The following MALRD1 variants were observed in gnomAD, a reference collection of about 807,000 sequenced individuals.
The protein encoded by MALRD1 is MAM and LDL-receptor class A domain-containing protein 1.
Under a neutral mutation model 242.1 loss-of-function variants are expected in MALRD1, and 247 were observed. The observed-to-expected ratio is 1.02, with a 90% CI of 0.92 to 1.13. The LOEUF is 1.13. Among genes scored for constraint, MALRD1 ranks in the 50% most tolerant of loss-of-function variants. The probability of loss-of-function intolerance (pLI) is 0.00; values close to 1 mark genes in which losing one functional copy is unlikely to be tolerated. For missense variants in MALRD1, 2,989 were observed against 2,533.1 expected, an observed-to-expected ratio of 1.18 and a Z score of -3.86; for synonymous variants, 995 against 866.6, an observed-to-expected ratio of 1.15 and a Z score of -2.60.
chr10:19,610,737 A>C (rs1264901748), intron 35 of MALRD1, among the ~76,000 whole-genome samples: 1 of 152,058 alleles, frequency 6.6e-6, no homozygotes, highest in African/African-American at 2.4e-5. Flanking sequence ...CTTTGGAGTC[A>C]GAAGACAAGG....
intron 22 of MALRD1, 96 bp from the exon 23 acceptor site, chr10:19,327,467 C>T: frequency 2.3e-6 from 2 of 879,884 alleles, no homozygotes; most frequent in South Asian, 1.7e-5. Flanking sequence ...GTTGATATTG[C>T]AACTAAAAAA....
intron 33 of MALRD1, among the ~76,000 whole-genome samples, chr10:19,587,647 C>G (rs1030007398): frequency 1.3e-5 from 2 of 152,152 alleles, no homozygotes; most frequent in Non-Finnish European, 2.9e-5. Context: ...ATTAAATGAA[C>G]AATGAAACTT....
intron 36 of MALRD1, among the ~76,000 whole-genome samples, chr10:19,660,772 C>T (rs1312775405): frequency 6.6e-6 from 1 of 152,104 alleles, no homozygotes; most frequent in Non-Finnish European, 1.5e-5. Flanking sequence ...AAAAGAGAAA[C>T]CTAGTTAGCC....
Position 19,387,782 on chromosome 10 carries a change from T to G in MALRD1, c.4687+9T>G. On this transcript the variant is annotated intron_variant, in intron 27 of 39. Transcript: ENST00000454679. ...ACTTGGAAATGAAAATGGTAGGTTATTAGATTGTTGTAATTGCTTTCACAT... is the reference window on the plus strand; with the variant it reads ...ACTTGGAAATGAAAATGGTAGGTTAGTAGATTGTTGTAATTGCTTTCACAT... 6.5e-7 allele frequency: 1 copy of G among 1,545,190 alleles called. No individual in the cohort carries two copies. Among genetic ancestry groups the G allele is most frequent in the South Asian group, 1.2e-5 (1 of 83,302 alleles).
At chr10:19,413,096 C>T (rs974380169) in intron 28 of MALRD1, among the ~76,000 whole-genome samples, 5 of 151,920 alleles carry the variant, frequency 3.3e-5, no homozygotes, top group Non-Finnish European at 7.4e-5. Context: ...GTAAGGTTAC[C>T]ATCACATACA....
At chr10:19,637,405 A>G (rs1338482060) in intron 36 of MALRD1, among the ~76,000 whole-genome samples, 1 of 152,186 alleles carries the variant, frequency 6.6e-6, no homozygotes, top group Non-Finnish European at 1.5e-5. Context: ...TTAATCTTAA[A>G]TCAAAGTAAA....
intron 14 of MALRD1, among the ~76,000 whole-genome samples, chr10:19,186,922 A>G (rs566451967): frequency 2.0e-5 from 3 of 152,098 alleles, no homozygotes; most frequent in Non-Finnish European, 4.4e-5. Context: ...CCCACCTAAC[A>G]CTAAGTGTTC....
intron 1 of MALRD1, among the ~76,000 whole-genome samples, chr10:19,063,112 C>A (rs1282394844): frequency 6.6e-6 from 1 of 151,944 alleles, no homozygotes; most frequent in Non-Finnish European, 1.5e-5. Flanking sequence ...CACCATCACA[C>A]TCCAGCCTAG....
intron 38 of MALRD1, among the ~76,000 whole-genome samples, chr10:19,697,373 T>G (rs1283686838): frequency 6.6e-6 from 1 of 151,996 alleles, no homozygotes; most frequent in African/African-American, 2.4e-5. Flanking sequence ...GAAATCCCAG[T>G]CTGCGCTTGA....
At chr10:19,186,268 C>G (rs1588669226) in intron 14 of MALRD1, among the ~76,000 whole-genome samples, 1 of 152,056 alleles carries the variant, frequency 6.6e-6, no homozygotes, top group Admixed American at 6.6e-5. Flanking sequence ...TCAGACAAAC[C>G]GCTCTAGACA....
chr10:19,731,240 A>G (rs1031424066), intron 39 of MALRD1, among the ~76,000 whole-genome samples: 2 of 152,252 alleles, frequency 1.3e-5, no homozygotes, highest in Non-Finnish European at 2.9e-5. Flanking sequence ...GAGAAAAAAC[A>G]AATGAGAATG....
intron 32 of MALRD1, among the ~76,000 whole-genome samples, chr10:19,561,236 A>G (rs1296574119): frequency 1.3e-5 from 2 of 152,160 alleles, no homozygotes; most frequent in African/African-American, 4.8e-5. Context: ...TTTGTTTAAT[A>G]GCTCAGAATG....
At chr10:19,509,876 GAA>G (rs1833313545) in intron 31 of MALRD1, among the ~76,000 whole-genome samples, 2 of 152,152 alleles carry the variant, frequency 1.3e-5, no homozygotes, top group Admixed American at 6.5e-5. Flanking sequence ...CTTGAGAAAA[GAA>G]AGAGACACAG....
At chr10:19,097,524 C>A (rs1416085642) in intron 4 of MALRD1, among the ~76,000 whole-genome samples, 1 of 152,092 alleles carries the variant, frequency 6.6e-6, no homozygotes, top group African/African-American at 2.4e-5. Flanking sequence ...CTAAAATGTT[C>A]AAGGAGACAA....
intron 19 of MALRD1, among the ~76,000 whole-genome samples, chr10:19,263,111 A>G (rs1839825761): frequency 6.6e-6 from 1 of 152,224 alleles, no homozygotes; most frequent in Admixed American, 6.5e-5. Flanking sequence ...ATTGGAGTCC[A>G]GATGTCTCTT....
At position 19,703,099 on chromosome 10, in the gene MALRD1, A is replaced by G. The variant is rs1273003630; in HGVS notation, c.6314+10545A>G. The stretch of plus-strand genomic sequence containing the variant: ...GTGTGGACACTTTGATTACAGGGGA[A>G]AAAAAGCAACTCAAGATGATTTGAT... On this transcript the variant is annotated intron_variant, in intron 38 of 39. Coordinates refer to ENST00000454679, the MANE Select transcript of MALRD1 (RefSeq NM_001142308.3). 2.0e-5 allele frequency among the ~76,000 whole-genome samples: 3 copies of G among 152,168 alleles called. No homozygotes were observed. In the East Asian group the frequency reaches 5.8e-4, roughly 29 times the overall value.
rs146654140 is a variant in MALRD1 at position 19,204,830 on chromosome 10, A to T, written c.2211-68A>T. On this transcript the variant is annotated intron_variant, in intron 16 of 39. Transcript: ENST00000454679. ...AAATTGACTGTTGACTGAGTAGAAA[A>T]ATCTAAAGGTTAAATATGTAGTCTA... 3.0e-4 allele frequency: 427 copies of T among 1,423,822 alleles called. 1 individual carries two copies. The African/African-American group carries it at 4.5e-3, about 15-fold the overall frequency. 88.2% of individuals were successfully genotyped at this position (1,423,822 alleles called of 1,614,324 possible). A position where few individuals can be genotyped will look rare whatever the true frequency, so the allele number is the denominator to read the frequency against.
intron 36 of MALRD1, among the ~76,000 whole-genome samples, chr10:19,636,690 GGA>G (rs1840141939): frequency 2.6e-5 from 4 of 152,064 alleles, no homozygotes; most frequent in Admixed American, 1.3e-4. Flanking sequence ...CCTGAGGTCA[GGA>G]GTTCAAGACC....
At chr10:19,553,209 A>T (rs1037981920) in intron 32 of MALRD1, among the ~76,000 whole-genome samples, 6 of 152,144 alleles carry the variant, frequency 3.9e-5, no homozygotes, top group African/African-American at 1.4e-4. Flanking sequence ...CTAAAAAAAT[A>T]AACAATTGGG....
Sources: gnomAD v4.1 joint callset for allele counts (sites outside exome capture counted in the v4.1 genomes callset) on GRCh38, gnomAD v4.1.1 for gene constraint, MANE v1.5 for transcripts, NCBI Gene and HGNC (gene_info 2026-07-23, HGNC 2026-07-21) for gene names.